GOLPH3L: variants seen among roughly 807,000 people sequenced by gnomAD.
GOLPH3L encodes Golgi phosphoprotein 3-like.
In GOLPH3L, 22 loss-of-function variants were observed where a neutral mutation model predicts 30.3. The observed-to-expected ratio is 0.73, with a 90% CI of 0.52 to 1.04. The LOEUF (loss-of-function observed/expected upper bound fraction) is 1.04. Ranked by LOEUF, GOLPH3L falls within the 50% of genes least tolerant of loss-of-function variation. The pLI, the probability that GOLPH3L is intolerant of heterozygous loss-of-function variation, is 0.00. For synonymous variants in GOLPH3L, 120 were observed against 128.2 expected, an observed-to-expected ratio of 0.94 and a Z score of 0.43; for missense variants, 303 against 345.8, an observed-to-expected ratio of 0.88 and a Z score of 0.98.
At chr1:150,655,369 C>G (rs1650216476) in intron 4 of GOLPH3L, among the ~76,000 whole-genome samples, 2 of 152,112 alleles carry the variant, frequency 1.3e-5, no homozygotes, top group South Asian at 4.2e-4. Flanking sequence ...ACTTATGTAC[C>G]TATAAATTTA....
chr1:150,674,534 A>G (rs1279538257), intron 2 of GOLPH3L, among the ~76,000 whole-genome samples: 1 of 152,002 alleles, frequency 6.6e-6, no homozygotes, highest in Non-Finnish European at 1.5e-5. Context: ...AAGTGCTGGT[A>G]TTACAGGCGT....
intron 2 of GOLPH3L, among the ~76,000 whole-genome samples, chr1:150,693,334 C>T (rs587666321): frequency 6.6e-6 from 1 of 152,290 alleles, no homozygotes; most frequent in Admixed American, 6.5e-5. Flanking sequence ...GCTGTTACTA[C>T]TTGTATGCAG....
chr1:150,683,557 G>T (rs1431209778), intron 2 of GOLPH3L, among the ~76,000 whole-genome samples: 1 of 113,302 alleles, frequency 8.8e-6, no homozygotes, highest in Non-Finnish European at 1.9e-5. Flanking sequence ...AAAAAAATTA[G>T]CTGGGCTTGG....
intron 2 of GOLPH3L, among the ~76,000 whole-genome samples, chr1:150,674,054 G>C (rs1448431043): frequency 3.3e-5 from 5 of 151,636 alleles, no homozygotes; most frequent in Non-Finnish European, 7.4e-5. Flanking sequence ...TATTTAGCTT[G>C]AATCTGAGTG....
rs150307845 is a variant in GOLPH3L, at chr1:150,648,434, C to A, written c.745G>T (p.Val249Leu). Reference sequence around the variant, plus strand: ...AAGTCCTTGGCTCGATTCATTGCCACATCATACTTGTCATCTGTCAGAGAG... The same window carrying A: ...AAGTCCTTGGCTCGATTCATTGCCAAATCATACTTGTCATCTGTCAGAGAG... The part of the protein sequence containing the change: ...FSSLTDDKYD[V>L]AMNRAKDLVE... The change falls in exon 5 of 5, where the codon GTG becomes TTG. Residue 249 changes from valine (V) to leucine (L), a missense_variant. Val to Leu is a conservative substitution (Grantham distance 32, BLOSUM62 1). Transcript: ENST00000271732. 6.8e-6 allele frequency: 11 copies of A among 1,613,594 alleles called. No individual in the cohort carries two copies. The highest frequency in any genetic ancestry group is 9.3e-6 in the Non-Finnish European group (11 of 1,179,624).
intron 4 of GOLPH3L, among the ~76,000 whole-genome samples, chr1:150,651,425 G>A (rs1557779179): frequency 1.3e-5 from 2 of 152,030 alleles, no homozygotes; most frequent in Non-Finnish European, 2.9e-5. Context: ...TGAGGCAGGC[G>A]GATTACTTGA....
intron 2 of GOLPH3L, among the ~76,000 whole-genome samples, chr1:150,669,710 C>T (rs928881942): frequency 6.6e-6 from 1 of 152,106 alleles, no homozygotes; most frequent in African/African-American, 2.4e-5. Context: ...ACCTGTAATC[C>T]CTGCACTTTG....
chr1:150,650,095 A>C (rs1203186610), intron 4 of GOLPH3L, among the ~76,000 whole-genome samples: 1 of 152,206 alleles, frequency 6.6e-6, no homozygotes, highest in Non-Finnish European at 1.5e-5. Context: ...GGGAACTTCC[A>C]AGCTGCTAGT....
chr1:150,663,166 C>T (rs1650409051), intron 3 of GOLPH3L, among the ~76,000 whole-genome samples: 1 of 151,916 alleles, frequency 6.6e-6, no homozygotes, highest in Admixed American at 6.6e-5. Context: ...TCCCGAGTAG[C>T]TGTGACTACA....
intron 4 of GOLPH3L, among the ~76,000 whole-genome samples, chr1:150,655,471 T>C (rs1650218267): frequency 6.6e-6 from 1 of 152,144 alleles, no homozygotes. Context: ...ATGCATGAAA[T>C]GGGGCATGTC....
chr1:150,668,438 A>C (rs1201856698), intron 2 of GOLPH3L, among the ~76,000 whole-genome samples: 2 of 152,138 alleles, frequency 1.3e-5, no homozygotes. Flanking sequence ...GCTGGGGTGC[A>C]GTGGCATGAT....
chr1:150,655,715 G>A (rs1257267227), intron 4 of GOLPH3L, among the ~76,000 whole-genome samples: 2 of 152,050 alleles, frequency 1.3e-5, no homozygotes, highest in South Asian at 2.1e-4. Context: ...ATTAGAAAAC[G>A]GACACAGCTC....
chr1:150,655,693 C>T (rs1419930228), intron 4 of GOLPH3L, among the ~76,000 whole-genome samples: 3 of 152,108 alleles, frequency 2.0e-5, no homozygotes, highest in Non-Finnish European at 2.9e-5. Flanking sequence ...TAAAGGACTT[C>T]GTTAATGAAC....
At chr1:150,661,685 T>A (rs1428597291) in intron 4 of GOLPH3L, 129 bp downstream of exon 4, 3 of 582,700 alleles carry the variant, frequency 5.1e-6, no homozygotes, top group Non-Finnish European at 9.4e-6. Context: ...CTGTCCCTCA[T>A]TAGAATTAAA....
chr1:150,647,357 G>A lies in GOLPH3L; in HGVS notation c.*964C>T, dbSNP rs1650000718. 6.6e-6 allele frequency: 1 copy of A among 152,314 alleles called. No homozygotes were observed. The highest frequency in any genetic ancestry group is 2.4e-5 in the African/African-American group (1 of 41,430). 9.4% of individuals were successfully genotyped at this position (152,314 alleles called of 1,614,324 possible). A position where few individuals can be genotyped will look rare whatever the true frequency, so the allele number is the denominator to read the frequency against. ...AAACAAACAAAAAAAAGCTGAGTAT[G>A]GTGGCACGTGCCTGTAGTCCCACTT... is the stretch of plus-strand genomic sequence containing the variant. On this transcript the variant is annotated 3_prime_UTR_variant, in exon 5 of 5. Coordinates refer to ENST00000271732, the MANE Select transcript of GOLPH3L (RefSeq NM_018178.6).
chr1:150,653,181 A>AC (rs1284912163), intron 4 of GOLPH3L, among the ~76,000 whole-genome samples: 1 of 149,834 alleles, frequency 6.7e-6, no homozygotes, highest in Non-Finnish European at 1.5e-5. Flanking sequence ...AAAACAAAAA[A>AC]AAAAAAAAAG....
chr1:150,695,219 C>T (rs1651321831), intron 1 of GOLPH3L, among the ~76,000 whole-genome samples: 1 of 152,254 alleles, frequency 6.6e-6, no homozygotes, highest in East Asian at 1.9e-4. Context: ...TCACTGCAAC[C>T]TCCGCTTCCC....
At chr1:150,678,284 CA>C (rs75131824) in intron 2 of GOLPH3L, among the ~76,000 whole-genome samples, 2,808 of 45,838 alleles carry the variant, frequency 0.061, 55 homozygotes, top group African/African-American at 0.18. Flanking sequence ...AACTCCGTCT[CA>C]AAAAAAAAAA....
At chr1:150,673,933 A>G (rs1328458765) in intron 2 of GOLPH3L, among the ~76,000 whole-genome samples, 1 of 151,730 alleles carries the variant, frequency 6.6e-6, no homozygotes, top group Non-Finnish European at 1.5e-5. Context: ...CTCCAAAAAA[A>G]AAAAAAAAAG....
Sources: gnomAD v4.1 joint callset for allele counts (sites outside exome capture counted in the v4.1 genomes callset) on GRCh38, gnomAD v4.1.1 for gene constraint, MANE v1.5 for transcripts, NCBI Gene and HGNC (gene_info 2026-07-23, HGNC 2026-07-21) for gene names.